The following POFUT3 variants were observed in gnomAD, a reference collection of about 807,000 sequenced individuals.
POFUT3 encodes GDP-fucose protein O-fucosyltransferase 3.
At chr8:33,317,469 A>C in the POFUT3 span, among the ~76,000 whole-genome samples, 1 of 152,094 alleles carries the variant, frequency 6.6e-6, no homozygotes, top group African/African-American at 2.4e-5. Flanking sequence ...GGAATCTTTG[A>C]ATCTACCTAT....
the POFUT3 span, among the ~76,000 whole-genome samples, chr8:33,359,182 T>C: frequency 5.3e-5 from 8 of 152,314 alleles, no homozygotes; most frequent in African/African-American, 1.9e-4. Flanking sequence ...CAAGATATTA[T>C]CAATTGGTGA....
At chr8:33,372,727 T>C in the POFUT3 span, 5 of 1,613,814 alleles carry the variant, frequency 3.1e-6, no homozygotes, top group Non-Finnish European at 4.2e-6. Flanking sequence ...GAGTCCGGAG[T>C]GGTGAGAAAG....
chr8:33,462,930 C>CA, the POFUT3 span, among the ~76,000 whole-genome samples: 756 of 139,520 alleles, frequency 5.4e-3, 1 homozygote, highest in African/African-American at 0.018. Flanking sequence ...GACCCTATCT[C>CA]AAAAAAAAAA....
chr8:33,439,497 G>A, the POFUT3 span, among the ~76,000 whole-genome samples: 1 of 152,128 alleles, frequency 6.6e-6, no homozygotes, highest in Admixed American at 6.6e-5. Flanking sequence ...GCATAAATCA[G>A]AATCAAACAA....
the POFUT3 span, among the ~76,000 whole-genome samples, chr8:33,311,086 G>A: frequency 6.6e-6 from 1 of 152,160 alleles, no homozygotes; most frequent in Non-Finnish European, 1.5e-5. Context: ...TGGGAGAAAG[G>A]ACCTGGTTTT....
chr8:33,362,693 A>G, the POFUT3 span, among the ~76,000 whole-genome samples: 1 of 152,202 alleles, frequency 6.6e-6, no homozygotes, highest in Non-Finnish European at 1.5e-5. Context: ...CATAATGGTA[A>G]AGGGATCAAT....
the POFUT3 span, among the ~76,000 whole-genome samples, chr8:33,433,391 A>G: frequency 7.2e-5 from 11 of 152,204 alleles, no homozygotes; most frequent in African/African-American, 2.6e-4. Context: ...CAGGTGGATC[A>G]CCTGAGGTCA....
the POFUT3 span, among the ~76,000 whole-genome samples, chr8:33,397,655 A>T: frequency 6.6e-6 from 1 of 151,994 alleles, no homozygotes; most frequent in Admixed American, 6.6e-5. Context: ...AGGCTATATA[A>T]CTCTGTAGAG....
chr8:33,334,868 G>C, the POFUT3 span, among the ~76,000 whole-genome samples: 1 of 152,116 alleles, frequency 6.6e-6, no homozygotes, highest in Admixed American at 6.6e-5. Flanking sequence ...TACTCCTCTG[G>C]GAGGCATAAG....
At chr8:33,361,657 C>T in the POFUT3 span, among the ~76,000 whole-genome samples, 108 of 152,230 alleles carry the variant, frequency 7.1e-4, 2 homozygotes, top group East Asian at 0.018. Flanking sequence ...TGCTATATCC[C>T]ATTTGCCCAA....
At chr8:33,436,191 C>T in the POFUT3 span, 2 of 1,256,108 alleles carry the variant, frequency 1.6e-6, no homozygotes, top group South Asian at 1.3e-5. Flanking sequence ...GGACTGAATG[C>T]ACCAAGCCGA....
chr8:33,343,555 T>A, the POFUT3 span, among the ~76,000 whole-genome samples: 1 of 152,176 alleles, frequency 6.6e-6, no homozygotes. Context: ...ACCCCTTTAT[T>A]ATACTGATGA....
At chr8:33,319,627 A>T in the POFUT3 span, among the ~76,000 whole-genome samples, 2 of 1,168 alleles carry the variant, frequency 1.7e-3, no homozygotes, top group Admixed American at 6.6e-3. Context: ...AAATATATAT[A>T]TTTTATATAT....
At chr8:33,462,860 G>A in the POFUT3 span, among the ~76,000 whole-genome samples, 1 of 152,064 alleles carries the variant, frequency 6.6e-6, no homozygotes, top group East Asian at 1.9e-4. Context: ...GAGCCCAGGA[G>A]GTCAAGGCTG....
the POFUT3 span, among the ~76,000 whole-genome samples, chr8:33,416,830 C>CA: frequency 0.078 from 3,471 of 44,420 alleles, 100 homozygotes; most frequent in African/African-American, 0.15. Flanking sequence ...TGGGCGACGA[C>CA]AAAAAAAAAA....
At chr8:33,316,132 A>T in the POFUT3 span, among the ~76,000 whole-genome samples, 1 of 152,126 alleles carries the variant, frequency 6.6e-6, no homozygotes, top group Admixed American at 6.6e-5. Flanking sequence ...TCTACTATTT[A>T]TTACAGGATA....
chr8:33,466,154 C>A, the POFUT3 span, among the ~76,000 whole-genome samples: 1 of 152,070 alleles, frequency 6.6e-6, no homozygotes, highest in Non-Finnish European at 1.5e-5. Flanking sequence ...AAGAACAGAG[C>A]CAGCCAGGTG....
the POFUT3 span, among the ~76,000 whole-genome samples, chr8:33,320,261 G>T: frequency 6.6e-6 from 1 of 151,970 alleles, no homozygotes; most frequent in African/African-American, 2.4e-5. Flanking sequence ...TTAGGGGGAA[G>T]AGTATAACCC....
At chr8:33,346,577 G>A in the POFUT3 span, among the ~76,000 whole-genome samples, 1 of 152,056 alleles carries the variant, frequency 6.6e-6, no homozygotes, top group African/African-American at 2.4e-5. Context: ...ACTACCCCTT[G>A]TTTTCTGCAT....
Sources: allele counts gnomAD v4.1 joint callset (sites outside exome capture counted in the v4.1 genomes callset), GRCh38; gene constraint gnomAD v4.1.1; transcripts MANE v1.5; gene names NCBI Gene and HGNC (gene_info 2026-07-23, HGNC 2026-07-21).